The following LMNTD2 variants were observed in gnomAD, a reference collection of about 807,000 sequenced individuals.
LMNTD2 encodes lamin tail domain containing 2.
In LMNTD2, 83 loss-of-function variants were observed where a neutral mutation model predicts 70.1. That is an observed-to-expected ratio of 1.18 (90% CI 0.99 to 1.42). The LOEUF (loss-of-function observed/expected upper bound fraction) is 1.42, where lower values mean the gene tolerates loss of function less well. Among genes scored for constraint, LMNTD2 ranks in the 40% most tolerant of loss-of-function variants. The probability of loss-of-function intolerance (pLI) is 0.00; values close to 1 mark genes in which losing one functional copy is unlikely to be tolerated. For synonymous variants in LMNTD2, 534 were observed against 406.1 expected (o/e 1.31, Z -3.79); for missense variants, 1,153 against 905.9 (o/e 1.27, Z -3.50).
rs140287963 is a variant in LMNTD2 at position 555,577 on chromosome 11, G to T, written c.1575-74C>A. The stretch of plus-strand genomic sequence containing the variant: ...CCCTAGAGGGCTCCGCGCCTGGGGC[G>T]GGGCAGGGGCCGCGGGGCGTACTGG... On this transcript the variant is annotated intron_variant, in intron 12 of 13. Transcript: ENST00000329451. 1.5e-3 allele frequency: 1,923 copies of T among 1,291,602 alleles called. 39 individuals are homozygous for T. In the African/African-American group the frequency reaches 0.027, roughly 18 times the overall value. The allele number at this position is 1,291,602 out of a possible 1,614,324, so 80.0% of individuals were successfully genotyped here.
In LMNTD2 at chr11:556,363, C is replaced by G; in HGVS notation, c.1086G>C (p.Leu362=). The G allele has an allele frequency of 6.5e-7, 1 of 1,536,160 alleles. No individual in the cohort carries two copies. The highest frequency in any genetic ancestry group is 8.7e-7 in the Non-Finnish European group (1 of 1,146,082). The part of the protein sequence containing the change: ...SPELLQSPTG[L]KIVAVSCREK... ...CCCGGCAGCTCACAGCCACGATCTTCAGGCCTGTCGGGCTGGGAAGAGAGG... is the reference window on the plus strand; with the variant it reads ...CCCGGCAGCTCACAGCCACGATCTTGAGGCCTGTCGGGCTGGGAAGAGAGG... Residue 362 remains leucine, a synonymous_variant, in exon 10 of 14, where the codon CTG becomes CTC. Transcript: ENST00000329451.
At chr11:555,203 G>GGAGGGGCGGGGAGGA in intron 13 of LMNTD2, 92 bp from the exon 14 acceptor site, 1 of 504,750 alleles carries the variant, frequency 2.0e-6, no homozygotes, top group Non-Finnish European at 2.6e-6. Flanking sequence ...GGAGGAGAGC[G>GGAGGGGCGGGGAGGA]GAGGGGAGGG....
chr11:556,944 C>A lies in LMNTD2; in HGVS notation c.867G>T (p.Arg289=). The A allele has an allele frequency of 6.2e-7, 1 of 1,601,202 alleles. No homozygotes were observed. The change falls in exon 8 of 14, where the codon CGG becomes CGT. Residue 289 remains arginine, a synonymous_variant. Transcript: ENST00000329451. ...CCTGCACGAAGGAAGGCAGGCCCGG[C>A]CGGCAGCTGCTGGAGTCGGAGTCAG... The part of the protein sequence containing the change: ...GGADSDSSSC[R]PGLPSFVQVI...
chr11:557,547 C>G, intron 6 of LMNTD2, 25 bp downstream of exon 6: 1 of 1,613,468 alleles, frequency 6.2e-7, no homozygotes, highest in South Asian at 1.1e-5. Context: ...GATACCAGAC[C>G]ACACACGTGG....
chr11:557,998 G>T lies in LMNTD2; in HGVS notation c.441C>A (p.Arg147=). The T allele has an allele frequency of 6.3e-7, 1 of 1,592,692 alleles. No individual in the cohort carries two copies. The highest frequency in any genetic ancestry group is 8.6e-7 in the Non-Finnish European group (1 of 1,167,416). ...HLEERLLQTT[R]TLQEMEAELQ... ...GCTCGGCCTCCATCTCCTGGAGCGTGCGGGTGGTCTGCAGCAGCCGCTCCT... is the reference window on the plus strand; with the variant it reads ...GCTCGGCCTCCATCTCCTGGAGCGTTCGGGTGGTCTGCAGCAGCCGCTCCT... The change falls in exon 5 of 14, where the codon CGC becomes CGA. Residue 147 remains arginine (R), a synonymous_variant. Transcript: ENST00000329451.
At chr11:555,682 T>C in intron 12 of LMNTD2, 52 bp downstream of exon 12, 1 of 1,356,934 alleles carries the variant, frequency 7.4e-7, no homozygotes, top group Non-Finnish European at 9.4e-7. Flanking sequence ...CCGTTTCTGC[T>C]GGGTCGGGGC....
Position 554,909 on chromosome 11 carries a change from C to T in LMNTD2, c.*71G>A, listed in dbSNP as rs1053439475. 14 of 1,109,820 alleles carry T rather than the reference C, an allele frequency of 1.3e-5. No homozygotes were observed. In the African/African-American group the frequency reaches 1.5e-4, roughly 12 times the overall value. The allele number at this position is 1,109,820 out of a possible 1,614,324, so 68.7% of individuals were successfully genotyped here. ...CACGTTGGTTCAATAAATGATGCAG[C>T]GGACACAGCCCGCCCAGCCCCGGCG... is the stretch of plus-strand genomic sequence containing the variant. On this transcript the variant is annotated 3_prime_UTR_variant, in exon 14 of 14. Transcript: ENST00000329451.
In LMNTD2 at chr11:554,999, T is replaced by A. The variant is rs776269643; in HGVS notation, c.1886A>T (p.Asp629Val). 2.0e-5 allele frequency: 31 copies of A among 1,588,104 alleles called. No individual in the cohort carries two copies. In the Admixed American group the frequency reaches 4.0e-4, roughly 20 times the overall value. Residue 629 changes from aspartate to valine, a missense_variant, in exon 14 of 14, where the codon GAC becomes GTC. Transcript: ENST00000329451. ...RFLSCLPVTA[D>V]TCRGA ...CCGCCCCTAGGCGCCGCGGCAGGTGTCCGCGGTGACCGGCAGGCAGCTGAG... is the reference window on the plus strand; with the variant it reads ...CCGCCCCTAGGCGCCGCGGCAGGTGACCGCGGTGACCGGCAGGCAGCTGAG...
At position 555,077 on chromosome 11, in the gene LMNTD2, A is replaced by AG; in HGVS notation, c.1807dup (p.Leu603ProfsTer?). 6.4e-7 allele frequency: 1 copy of AG among 1,559,366 alleles called. No individual in the cohort carries two copies. Among genetic ancestry groups the AG allele is most frequent in the Non-Finnish European group, 8.6e-7 (1 of 1,156,238 alleles). Reference sequence around the variant, plus strand: ...CGTGTTCTGCACCGACAGGGCCACCAGGGGGCAGCTACGGTCCACGCTCTT... The same window carrying AG: ...CGTGTTCTGCACCGACAGGGCCACCAGGGGGGCAGCTACGGTCCACGCTCTT... On this transcript the variant is annotated frameshift_variant, in exon 14 of 14. Coordinates refer to ENST00000329451, the MANE Select transcript of LMNTD2 (RefSeq NM_173573.3). LOFTEE classifies it low-confidence loss of function (END_TRUNC).
rs201277609 is a variant in LMNTD2 at position 557,607 on chromosome 11, C to A, written c.589G>T (p.Asp197Tyr). ...VTAETLMDPS[D>Y]LSENIQAPTG... is the part of the protein sequence containing the mutation. ...GGGGCCTGAATGTTTTCAGAGAGGT[C>A]GCTTGGGTCCATCAGAGTCTCTGCC... The change falls in exon 6 of 14, where the codon GAC becomes TAC. Residue 197 changes from aspartate to tyrosine, a missense_variant. By Grantham distance (160) the Asp-to-Tyr change is radical (BLOSUM62 -3). Transcript: ENST00000329451. The A allele has an allele frequency of 1.2e-6, 2 of 1,613,170 alleles. No homozygotes were observed. The highest frequency in any genetic ancestry group is 1.7e-6 in the Non-Finnish European group (2 of 1,179,878).
At position 555,342 on chromosome 11, in the gene LMNTD2, A is replaced by G; in HGVS notation, c.1736T>C (p.Leu579Pro). 7.0e-7 allele frequency: 1 copy of G among 1,423,680 alleles called. No individual in the cohort carries two copies. Among genetic ancestry groups the G allele is most frequent in the Non-Finnish European group, 9.2e-7 (1 of 1,091,224 alleles). 88.2% of individuals were successfully genotyped at this position (1,423,680 alleles called of 1,614,324 possible). The change falls in exon 13 of 14, where the codon CTG becomes CCG. Residue 579 changes from leucine to proline, a missense_variant. By Grantham distance (98) the Leu-to-Pro change is moderately conservative. Coordinates refer to ENST00000329451, the MANE Select transcript of LMNTD2 (RefSeq NM_173573.3). ...TTCTTTCTGGAGCCGACAGTCCTCC[A>G]GGCCCAGCCCGGCCTCTGCGGGAGG... is the stretch of plus-strand genomic sequence containing the variant. Reference protein sequence around the residue: ...PSPPAEAGLGLEDCRLQKEHR... With the variant: ...PSPPAEAGLGPEDCRLQKEHR...
Position 558,598 on chromosome 11 carries a change from G to C in LMNTD2, c.311+16C>G. On this transcript the variant is annotated intron_variant, in intron 3 of 13. Coordinates refer to ENST00000329451, the MANE Select transcript of LMNTD2 (RefSeq NM_173573.3). ...ACAGGGCGGGGTTGGGTTGGGCTGG[G>C]GACTGTGCTGCAGACCTCTTGGGCG... 6.3e-7 allele frequency: 1 copy of C among 1,597,704 alleles called. No individual in the cohort carries two copies.
chr11:554,877 T>C lies in LMNTD2; in HGVS notation c.*103A>G, dbSNP rs1852683767. 2 of 813,866 alleles carry C rather than the reference T, an allele frequency of 2.5e-6. No homozygotes were observed. The highest frequency in any genetic ancestry group is 3.6e-6 in the Non-Finnish European group (2 of 555,460). 50.4% of individuals were successfully genotyped at this position (813,866 alleles called of 1,614,324 possible). Reference sequence around the variant, plus strand: ...AGGTGTACAGAAATGCGGTTTACTTTGTAGGCCACGTTGGTTCAATAAATG... The same window carrying C: ...AGGTGTACAGAAATGCGGTTTACTTCGTAGGCCACGTTGGTTCAATAAATG... On this transcript the variant is annotated 3_prime_UTR_variant, in exon 14 of 14. Transcript: ENST00000329451.
intron 1 of LMNTD2, 64 bp from the exon 2 acceptor site, chr11:559,043 T>C: frequency 6.3e-7 from 1 of 1,575,460 alleles, no homozygotes; most frequent in Non-Finnish European, 8.6e-7. Context: ...TTGGGGGCCA[T>C]TCTCAATGTT....
chr11:556,980 G>C lies in LMNTD2; in HGVS notation c.831C>G (p.Ser277Arg). 6.2e-7 allele frequency: 1 copy of C among 1,607,422 alleles called. No individual in the cohort carries two copies. Among genetic ancestry groups the C allele is most frequent in the Non-Finnish European group, 8.5e-7 (1 of 1,179,100 alleles). The change falls in exon 8 of 14, where the codon AGC becomes AGG. Residue 277 changes from serine to arginine, a missense_variant. Coordinates refer to ENST00000329451, the MANE Select transcript of LMNTD2 (RefSeq NM_173573.3). ...WGSLPCLNTSSSGGADSDSSS... is the reference protein window; with the variant it reads ...WGSLPCLNTSRSGGADSDSSS... ...TGGAGTCGGAGTCAGCGCCCCCTGAGCTGCTGGTGTTCAGACAGGGCAGGG... is the reference window on the plus strand; with the variant it reads ...TGGAGTCGGAGTCAGCGCCCCCTGACCTGCTGGTGTTCAGACAGGGCAGGG...
chr11:560,104 T>C, intron 1 of LMNTD2: 1 of 170,464 alleles, frequency 5.9e-6, no homozygotes, highest in South Asian at 1.8e-4. Context: ...ACCCAATCAT[T>C]CCAGCTTTCA....
chr11:557,812 AGAGGCACCCGAC>A (rs1852995606), intron 5 of LMNTD2, 60 bp downstream of exon 5: 1 of 1,512,644 alleles, frequency 6.6e-7, no homozygotes, highest in Admixed American at 2.1e-5. Flanking sequence ...GCGCCCCAGC[AGAGGCACCCGAC>A]GAGATGGGGA....
chr11:555,226 G>A (rs1852758840), intron 13 of LMNTD2, 79 bp downstream of exon 13: 6 of 1,014,346 alleles, frequency 5.9e-6, no homozygotes, highest in Admixed American at 4.6e-5. Flanking sequence ...CGAGGAGACA[G>A]AGGGGAGGGA....
At chr11:558,286 C>A (rs761117023) in intron 3 of LMNTD2, 38 bp from the exon 4 acceptor site, 1 of 1,590,084 alleles carries the variant, frequency 6.3e-7, no homozygotes, top group East Asian at 2.2e-5. Flanking sequence ...CCACCCTGCT[C>A]AGGCAGGGGT....
Sources: allele counts gnomAD v4.1 joint callset, GRCh38; gene constraint gnomAD v4.1.1; transcripts MANE v1.5; gene names NCBI Gene and HGNC (gene_info 2026-07-23, HGNC 2026-07-21).